The following TNFAIP8 variants were observed in gnomAD, a reference collection of about 807,000 sequenced individuals.
TNFAIP8 encodes the protein tumor necrosis factor alpha-induced protein 8.
TNFAIP8 carries 7 observed loss-of-function variants against 13.3 expected under a neutral mutation model. That is an observed-to-expected ratio of 0.52 (90% CI 0.30 to 0.99). The LOEUF (loss-of-function observed/expected upper bound fraction) is 0.99, where lower values mean the gene tolerates loss of function less well. Ranked by LOEUF, TNFAIP8 falls within the 50% of genes least tolerant of loss-of-function variation. The pLI, the probability that TNFAIP8 is intolerant of heterozygous loss-of-function variation, is 0.07. For missense variants in TNFAIP8, 258 were observed against 236.9 expected (o/e 1.09, Z -0.58); for synonymous variants, 94 against 87.6 (o/e 1.07, Z -0.41).
upstream of TNFAIP8, among the ~76,000 whole-genome samples, chr5:119,351,036 A>G (rs867042161): frequency 5.4e-5 from 6 of 111,206 alleles, no homozygotes; most frequent in East Asian, 9.6e-4. Flanking sequence ...GTGTGTGTGT[A>G]GAGAGAGAGA....
intron 1 of TNFAIP8, among the ~76,000 whole-genome samples, chr5:119,329,904 C>G (rs902281751): frequency 6.6e-6 from 1 of 151,924 alleles, no homozygotes; most frequent in Non-Finnish European, 1.5e-5. Flanking sequence ...GACCATCCGC[C>G]GTCTCTGTTA....
chr5:119,333,093 CT>C (rs1445915401), intron 1 of TNFAIP8: 65 of 712,430 alleles, frequency 9.1e-5, no homozygotes, highest in Non-Finnish European at 1.0e-4. Context: ...GGGCCTCTCC[CT>C]TTTTTTTAGT....
intron 1 of TNFAIP8, among the ~76,000 whole-genome samples, chr5:119,376,268 C>CTA (rs1348022488): frequency 6.6e-6 from 1 of 152,014 alleles, no homozygotes; most frequent in Non-Finnish European, 1.5e-5. Flanking sequence ...GCATGTGCCA[C>CTA]CACAGCTGGC....
chr5:119,355,687 T>C (rs955174943), upstream of TNFAIP8: 9 of 342,530 alleles, frequency 2.6e-5, no homozygotes, highest in Non-Finnish European at 4.7e-5. Context: ...ACTTTTTTTT[T>C]CTTTTTATAC....
In TNFAIP8 at chr5:119,356,082, C is replaced by T. The variant is rs750671062; in HGVS notation, c.-9C>T. 1 of 1,584,778 alleles carries T rather than the reference C, an allele frequency of 6.3e-7. No homozygotes were observed. The highest frequency in any genetic ancestry group is 1.8e-5 in the Admixed American group (1 of 56,300). On this transcript the variant is annotated 5_prime_UTR_variant, in exon 1 of 2. Transcript: ENST00000504771. ...GGTAATCGCCCCTGCAGCTGGTTATCCTGACATTATGCACTCCGAAGCAGA... is the reference window on the plus strand; with the variant it reads ...GGTAATCGCCCCTGCAGCTGGTTATTCTGACATTATGCACTCCGAAGCAGA...
intron 1 of TNFAIP8, among the ~76,000 whole-genome samples, chr5:119,275,100 TATAAA>T: frequency 6.7e-6 from 1 of 150,124 alleles, no homozygotes; most frequent in Admixed American, 6.7e-5. Context: ...GAACACAACA[TATAAA>T]ATAAACACAA....
intron 1 of TNFAIP8, among the ~76,000 whole-genome samples, chr5:119,361,323 A>G (rs540565116): frequency 2.7e-4 from 41 of 152,322 alleles, no homozygotes; most frequent in African/African-American, 9.4e-4. Flanking sequence ...AGGTACAGGG[A>G]TGTAGTATGT....
At chr5:119,298,197 A>T (rs1176912001) in intron 1 of TNFAIP8, among the ~76,000 whole-genome samples, 1 of 152,030 alleles carries the variant, frequency 6.6e-6, no homozygotes, top group Non-Finnish European at 1.5e-5. Flanking sequence ...GTTTCTTCCT[A>T]GCCTCGATGG....
chr5:119,275,012 A>G (rs142962299), intron 1 of TNFAIP8, among the ~76,000 whole-genome samples: 23 of 113,600 alleles, frequency 2.0e-4, no homozygotes, highest in Non-Finnish European at 3.7e-5. Flanking sequence ...ATTTTTTTTT[A>G]ATTTTTTTTT....
At chr5:119,315,537 A>G (rs973198801) in intron 1 of TNFAIP8, among the ~76,000 whole-genome samples, 9 of 152,230 alleles carry the variant, frequency 5.9e-5, no homozygotes, top group Non-Finnish European at 1.0e-4. Flanking sequence ...TGATGAGAAT[A>G]CTGTAGCCAC....
At chr5:119,369,251 A>G (rs1336539153) in intron 1 of TNFAIP8, among the ~76,000 whole-genome samples, 2 of 151,844 alleles carry the variant, frequency 1.3e-5, no homozygotes, top group Non-Finnish European at 2.9e-5. Context: ...ATGGGATTTC[A>G]CCATGTTGGC....
intron 1 of TNFAIP8, among the ~76,000 whole-genome samples, chr5:119,327,428 A>G (rs1750256183): frequency 6.6e-6 from 1 of 152,046 alleles, no homozygotes; most frequent in Non-Finnish European, 1.5e-5. Context: ...TTGCTCTCTA[A>G]ATTGGAAAAG....
intron 1 of TNFAIP8, among the ~76,000 whole-genome samples, chr5:119,387,179 C>T (rs532142276): frequency 3.8e-4 from 58 of 152,232 alleles, no homozygotes; most frequent in Middle Eastern, 3.4e-3. Context: ...CGCCTGCTGA[C>T]TTCTTATGAC....
At chr5:119,322,780 G>A (rs747238843) in intron 1 of TNFAIP8, among the ~76,000 whole-genome samples, 8 of 152,188 alleles carry the variant, frequency 5.3e-5, no homozygotes, top group Non-Finnish European at 8.8e-5. Flanking sequence ...TGGTGATCCC[G>A]CCCATTTCTA....
Position 119,396,031 on chromosome 5 carries a change from T to G in TNFAIP8, c.*2650T>G, listed in dbSNP as rs1041718834. The stretch of plus-strand genomic sequence containing the variant: ...TTATGTGTCGGGCACATTAACTCAT[T>G]TAATTCTGCCACAATCTTCACCATC... On this transcript the variant is annotated 3_prime_UTR_variant, in exon 2 of 2. Coordinates refer to ENST00000504771, the MANE Select transcript of TNFAIP8 (RefSeq NM_014350.4). 1 of 152,172 alleles carries G rather than the reference T, an allele frequency of 6.6e-6. No homozygotes were observed. Among genetic ancestry groups the G allele is most frequent in the Non-Finnish European group, 1.5e-5 (1 of 68,028 alleles). 9.4% of individuals were successfully genotyped at this position (152,172 alleles called of 1,614,324 possible). A position where few individuals can be genotyped will look rare whatever the true frequency, so the allele number is the denominator to read the frequency against.
chr5:119,349,923 T>A (rs529521216), intron 1 of TNFAIP8, among the ~76,000 whole-genome samples: 3 of 152,348 alleles, frequency 2.0e-5, no homozygotes, highest in Admixed American at 6.5e-5. Flanking sequence ...TTTAATACAG[T>A]GAGAAAGTCT....
chr5:119,351,648 G>C (rs1327923266), upstream of TNFAIP8, among the ~76,000 whole-genome samples: 1 of 152,136 alleles, frequency 6.6e-6, no homozygotes, highest in African/African-American at 2.4e-5. Flanking sequence ...TCTGTACTCA[G>C]CACTTAAGGC....
chr5:119,347,841 C>A (rs1273993565), intron 1 of TNFAIP8, among the ~76,000 whole-genome samples: 1 of 152,176 alleles, frequency 6.6e-6, no homozygotes, highest in East Asian at 1.9e-4. Flanking sequence ...TTTCTGTCTC[C>A]TAAGCAGTCA....
At chr5:119,379,079 C>A (rs1752388869) in intron 1 of TNFAIP8, among the ~76,000 whole-genome samples, 1 of 151,992 alleles carries the variant, frequency 6.6e-6, no homozygotes, top group African/African-American at 2.4e-5. Context: ...ATAAATAAAA[C>A]AAAAGATAGT....
Sources: allele counts gnomAD v4.1 joint callset (sites outside exome capture counted in the v4.1 genomes callset), GRCh38; gene constraint gnomAD v4.1.1; transcripts MANE v1.5; gene names NCBI Gene and HGNC (gene_info 2026-07-23, HGNC 2026-07-21).